The following MIPEP variants were observed in gnomAD, a reference collection of about 807,000 sequenced individuals.
MIPEP encodes the protein mitochondrial intermediate peptidase.
In MIPEP, 79 loss-of-function variants were observed where a neutral mutation model predicts 90.3. The observed-to-expected ratio is 0.87, with a 90% CI of 0.73 to 1.05. MIPEP has a LOEUF of 1.05. Among genes scored for constraint, MIPEP ranks in the 50% least tolerant of loss-of-function variants. The pLI, the probability that MIPEP is intolerant of heterozygous loss-of-function variation, is 0.00. For missense variants in MIPEP, 940 were observed against 905.6 expected (o/e 1.04, Z -0.49); for synonymous variants, 334 against 315.8 (o/e 1.06, Z -0.61).
chr13:23,749,539 T>C (rs551350439), intron 18 of MIPEP, among the ~76,000 whole-genome samples: 18 of 152,332 alleles, frequency 1.2e-4, no homozygotes, highest in East Asian at 1.2e-3. Context: ...ATCAGAACTG[T>C]ATGGGCAAAG....
At chr13:23,876,632 CTT>C (rs1871084725) in intron 4 of MIPEP, among the ~76,000 whole-genome samples, 1 of 152,186 alleles carries the variant, frequency 6.6e-6, no homozygotes, top group Admixed American at 6.5e-5. Context: ...TGAAAGGTCT[CTT>C]AACATAGATA....
At chr13:23,862,172 C>A (rs1870334981) in intron 9 of MIPEP, 130 bp downstream of exon 9, 3 of 652,528 alleles carry the variant, frequency 4.6e-6, no homozygotes, top group Non-Finnish European at 5.5e-6. Flanking sequence ...TCTTTATTCA[C>A]CAAAACCGAG....
chr13:23,759,581 C>T (rs1952518510), intron 17 of MIPEP, among the ~76,000 whole-genome samples: 1 of 152,118 alleles, frequency 6.6e-6, no homozygotes. Context: ...AAGGGATCTC[C>T]TGTACCTCTC....
chr13:23,886,100 T>C (rs544218565), intron 2 of MIPEP, among the ~76,000 whole-genome samples: 5 of 152,144 alleles, frequency 3.3e-5, no homozygotes, highest in Admixed American at 3.3e-4. Flanking sequence ...TACATGTATA[T>C]TTTATTAAAC....
chr13:23,731,480 CCATA>C (rs1414502331), intron 18 of MIPEP, among the ~76,000 whole-genome samples: 1 of 151,926 alleles, frequency 6.6e-6, no homozygotes, highest in Non-Finnish European at 1.5e-5. Context: ...CTACTGCATA[CCATA>C]CATAAAAACT....
At chr13:23,873,393 T>C (rs1870920194) in intron 5 of MIPEP, among the ~76,000 whole-genome samples, 1 of 152,210 alleles carries the variant, frequency 6.6e-6, no homozygotes, top group Admixed American at 6.5e-5. Context: ...CGGGGAAGAC[T>C]GACCAGCAGG....
chr13:23,850,233 CTAAGTA>C (rs1869741065), intron 10 of MIPEP, among the ~76,000 whole-genome samples: 1 of 152,192 alleles, frequency 6.6e-6, no homozygotes, highest in Non-Finnish European at 1.5e-5. Flanking sequence ...TCAGGAATGA[CTAAGTA>C]TAATTCTCAT....
Position 23,837,549 on chromosome 13 carries a change from C to T in MIPEP, c.1543+3G>A, listed in dbSNP as rs377220712. 3.7e-6 allele frequency: 6 copies of T among 1,604,200 alleles called. No homozygotes were observed. The highest frequency in any genetic ancestry group is 5.1e-6 in the Non-Finnish European group (6 of 1,171,376). Reference sequence around the variant, plus strand: ...GTAAATAAAAGCCCTCCTCATGGCTCACCAGTGACGTGTTGGTAACGAGTA... The same window carrying T: ...GTAAATAAAAGCCCTCCTCATGGCTTACCAGTGACGTGTTGGTAACGAGTA... On this transcript the variant is annotated splice_donor_region_variant and intron_variant, in intron 13 of 18. Coordinates refer to ENST00000382172, the MANE Select transcript of MIPEP (RefSeq NM_005932.4).
intron 14 of MIPEP, among the ~76,000 whole-genome samples, chr13:23,820,024 A>AG (rs1953286477): frequency 6.7e-6 from 1 of 148,166 alleles, no homozygotes; most frequent in African/African-American, 2.5e-5. Flanking sequence ...AAAAAAAAAA[A>AG]GGAAAAAAAC....
At chr13:23,888,329 T>C (rs1447432193) in intron 1 of MIPEP, among the ~76,000 whole-genome samples, 1 of 152,186 alleles carries the variant, frequency 6.6e-6, no homozygotes, top group Non-Finnish European at 1.5e-5. Flanking sequence ...TCACACACTT[T>C]AGCTCAGTGC....
At position 23,780,316 on chromosome 13, in the gene MIPEP, C is replaced by T. The variant is rs569520974; in HGVS notation, c.1849-20099G>A. Among the ~76,000 whole-genome samples, 344 of 152,354 alleles carry T rather than the reference C, an allele frequency of 2.3e-3. 4 individuals are homozygous for T. In the Middle Eastern group the frequency reaches 0.031, roughly 14 times the overall value. On this transcript the variant is annotated intron_variant, in intron 16 of 18. Transcript: ENST00000382172. Reference sequence around the variant, plus strand: ...TTCAGCAATATTTGCTGTTCTGCAGCCTCCGCTGCTGATACCCAGGCAAAC... The same window carrying T: ...TTCAGCAATATTTGCTGTTCTGCAGTCTCCGCTGCTGATACCCAGGCAAAC...
intron 16 of MIPEP, among the ~76,000 whole-genome samples, chr13:23,794,399 C>T (rs1056065615): frequency 6.6e-6 from 1 of 152,134 alleles, no homozygotes; most frequent in Non-Finnish European, 1.5e-5. Flanking sequence ...GCTAACGCTG[C>T]CTTAACTCCC....
intron 17 of MIPEP, among the ~76,000 whole-genome samples, 169 bp downstream of exon 17, chr13:23,759,927 C>T (rs988900024): frequency 2.0e-5 from 3 of 152,120 alleles, no homozygotes; most frequent in Admixed American, 6.6e-5. Flanking sequence ...CAGGAGCAAG[C>T]TTGGGTGGGA....
intron 16 of MIPEP, among the ~76,000 whole-genome samples, chr13:23,790,535 C>A (rs74938252): frequency 6.6e-6 from 1 of 151,994 alleles, no homozygotes; most frequent in Non-Finnish European, 1.5e-5. Flanking sequence ...TATCTGAGTA[C>A]GCCCTAGTCA....
chr13:23,742,541 T>A (rs2138491051), intron 18 of MIPEP, among the ~76,000 whole-genome samples: 1 of 152,336 alleles, frequency 6.6e-6, no homozygotes, highest in African/African-American at 2.4e-5. Context: ...TAACTCACTA[T>A]AATAATCAGA....
At chr13:23,843,283 G>T (rs907084809) in intron 10 of MIPEP, among the ~76,000 whole-genome samples, 1 of 152,054 alleles carries the variant, frequency 6.6e-6, no homozygotes, top group Non-Finnish European at 1.5e-5. Flanking sequence ...ACCAATGCAG[G>T]GATAAATGTA....
intron 4 of MIPEP, among the ~76,000 whole-genome samples, chr13:23,878,116 C>A (rs1468168648): frequency 2.0e-5 from 3 of 152,122 alleles, no homozygotes; most frequent in Non-Finnish European, 4.4e-5. Context: ...TTATGAATAA[C>A]CTTCTATTTT....
At chr13:23,825,675 A>G (rs1055758093) in intron 14 of MIPEP, among the ~76,000 whole-genome samples, 1 of 152,214 alleles carries the variant, frequency 6.6e-6, no homozygotes, top group Non-Finnish European at 1.5e-5. Flanking sequence ...CTGAACTTTA[A>G]GGAAATTCTA....
chr13:23,873,371 A>G (rs1326986616), intron 5 of MIPEP, among the ~76,000 whole-genome samples: 1 of 152,200 alleles, frequency 6.6e-6, no homozygotes, highest in Non-Finnish European at 1.5e-5. Context: ...AAACTAATCC[A>G]GTGTTCACAG....
Sources: gnomAD v4.1 joint callset for allele counts (sites outside exome capture counted in the v4.1 genomes callset) on GRCh38, gnomAD v4.1.1 for gene constraint, MANE v1.5 for transcripts, NCBI Gene and HGNC (gene_info 2026-07-23, HGNC 2026-07-21) for gene names.